PLXNA2: variants seen among roughly 807,000 people sequenced by gnomAD.
The protein encoded by PLXNA2 is plexin-A2.
Under a neutral mutation model 193.5 loss-of-function variants are expected in PLXNA2, and 91 were observed. That is an observed-to-expected ratio of 0.47 (90% CI 0.40 to 0.56). The LOEUF is 0.56. PLXNA2 is among the 20% of genes least tolerant of loss of function. The probability of loss-of-function intolerance (pLI) is 0.00; values close to 1 mark genes in which losing one functional copy is unlikely to be tolerated. For synonymous variants in PLXNA2, 997 were observed against 1,027.3 expected (o/e 0.97, Z 0.56); for missense variants, 1,995 against 2,503.2 (o/e 0.80, Z 4.33).
At position 208,122,430 on chromosome 1, in the gene PLXNA2, A is replaced by G. The variant is rs199930850; in HGVS notation, c.1507-19183T>C. ...GTTATTTCTTCATCTTTATCCATAA[A>G]AACGTCTTAATCTATAAAATGTGGA... On this transcript the variant is annotated intron_variant, in intron 4 of 31. Transcript: ENST00000367033. Among the ~76,000 whole-genome samples, 23 of 152,344 alleles carry G rather than the reference A, an allele frequency of 1.5e-4. No individual in the cohort carries two copies. In the East Asian group the frequency reaches 4.2e-3, roughly 28 times the overall value.
chr1:208,142,193 A>G lies in PLXNA2; in HGVS notation c.1506+136T>C, dbSNP rs547311183. 1.1e-4 allele frequency: 107 copies of G among 937,332 alleles called. No homozygotes were observed. The African/African-American group carries it at 1.7e-3, about 15-fold the overall frequency. 58.1% of individuals were successfully genotyped at this position (937,332 alleles called of 1,614,324 possible). ...TAGCTCCCTGCAAAAGCCTACAGGC[A>G]CTCTGCCTCTCTCAAGACCCCTGTG... On this transcript the variant is annotated intron_variant, in intron 4 of 31. Transcript: ENST00000367033.
intron 3 of PLXNA2, among the ~76,000 whole-genome samples, chr1:208,208,638 C>A (rs918843725): frequency 6.6e-6 from 1 of 152,178 alleles, no homozygotes; most frequent in African/African-American, 2.4e-5. Context: ...TGACCTGGAG[C>A]AGTGACTGAA....
At chr1:208,068,410 AG>A (rs1665867214) in intron 12 of PLXNA2, among the ~76,000 whole-genome samples, 1 of 152,168 alleles carries the variant, frequency 6.6e-6, no homozygotes, top group South Asian at 2.1e-4. Context: ...CATCGAATGG[AG>A]GACTGAACAG....
intron 3 of PLXNA2, among the ~76,000 whole-genome samples, chr1:208,170,831 A>G (rs1395537136): frequency 6.6e-6 from 1 of 152,226 alleles, no homozygotes; most frequent in East Asian, 1.9e-4. Flanking sequence ...ATAAACAGAA[A>G]TAAAATAAAT....
At chr1:208,034,421 G>A in intron 27 of PLXNA2, 72 bp downstream of exon 27, 2 of 934,740 alleles carry the variant, frequency 2.1e-6, no homozygotes, top group African/African-American at 1.6e-5. Context: ...GTTAGAAGGG[G>A]TAGCGAGTGG....
rs773719578 is a variant in PLXNA2 at position 208,098,935 on chromosome 1, C to T, written c.1642G>A (p.Glu548Lys). 1 of 1,613,538 alleles carries T rather than the reference C, an allele frequency of 6.2e-7. No individual in the cohort carries two copies. Among genetic ancestry groups the T allele is most frequent in the Non-Finnish European group, 8.5e-7 (1 of 1,179,896 alleles). Residue 548 changes from glutamate (E) to lysine (K), a missense_variant, in exon 6 of 32, where the codon GAA (glutamate) becomes AAA (lysine). By Grantham distance (56) the Glu-to-Lys change is moderately conservative. Transcript: ENST00000367033. The stretch of plus-strand genomic sequence containing the variant: ...ATGCTGGCAGCAAATCGATTAGGTT[C>T]CCAGGCCTGTTGGCATTTGTCCCTG... The part of the protein sequence containing the change: ...SRRDKCQQAW[E>K]PNRFAASISQ...
intron 3 of PLXNA2, among the ~76,000 whole-genome samples, chr1:208,175,303 C>T (rs1318967616): frequency 6.6e-6 from 1 of 152,162 alleles, no homozygotes; most frequent in Non-Finnish European, 1.5e-5. Context: ...CAACTGGGTC[C>T]ACTCATCCCA....
chr1:208,150,353 T>C (rs1043820753), intron 3 of PLXNA2, among the ~76,000 whole-genome samples: 18 of 151,768 alleles, frequency 1.2e-4, no homozygotes, highest in African/African-American at 3.9e-4. Context: ...CAACTAGGGG[T>C]GGGTGGAGCT....
Position 208,038,321 on chromosome 1 carries a change from G to A in PLXNA2, c.4764+50C>T. 1 of 1,287,208 alleles carries A rather than the reference G, an allele frequency of 7.8e-7. No individual in the cohort carries two copies. The highest frequency in any genetic ancestry group is 1.1e-6 in the Non-Finnish European group (1 of 881,366). 79.7% of individuals were successfully genotyped at this position (1,287,208 alleles called of 1,614,324 possible). On this transcript the variant is annotated intron_variant, in intron 26 of 31. Transcript: ENST00000367033. This position sits in a 1 kb window ranked among gnomAD's most constrained non-coding sequence, Gnocchi z 4.1. ...GAGGCCTTAGAGCAAGGCTTAGCGG[G>A]AAGGGAACATTCTGGGAAGCTGAAG... is the stretch of plus-strand genomic sequence containing the variant.
intron 4 of PLXNA2, among the ~76,000 whole-genome samples, chr1:208,117,031 TG>T (rs1169549798): frequency 6.6e-6 from 1 of 151,748 alleles, no homozygotes. Flanking sequence ...ATTAGCCGGG[TG>T]TGGTGGTGCA....
chr1:208,088,986 C>G (rs4844638), intron 9 of PLXNA2, among the ~76,000 whole-genome samples: 36,427 of 152,122 alleles, frequency 0.24, 4,710 homozygotes, highest in Admixed American at 0.33. Flanking sequence ...GTCTATTCAT[C>G]TATAATATAA....
chr1:208,096,732 T>G lies in PLXNA2; in HGVS notation c.1883A>C (p.Gln628Pro). ...PKDVPVIPLD[Q>P]DWFGLELQLR... Reference sequence around the variant, plus strand: ...CTCTCATGGCAGATATTTCTTACCTTGATCCAGCGGGATGACAGGGACATC... The same window carrying G: ...CTCTCATGGCAGATATTTCTTACCTGGATCCAGCGGGATGACAGGGACATC... The change falls in exon 7 of 32, where the codon CAA (glutamine) becomes CCA (proline). Residue 628 changes from glutamine (Q) to proline (P), a missense_variant and splice_region_variant. By Grantham distance (76) the Gln-to-Pro change is moderately conservative. Around this residue, in one of 3 missense-constraint regions of PLXNA2, gnomAD observed 2 missense variants for 16.7 expected, o/e 0.12. Coordinates refer to ENST00000367033, the MANE Select transcript of PLXNA2 (RefSeq NM_025179.4). The G allele has an allele frequency of 6.2e-7, 1 of 1,614,134 alleles. No homozygotes were observed. Among genetic ancestry groups the G allele is most frequent in the Non-Finnish European group, 8.5e-7 (1 of 1,180,008 alleles).
At chr1:208,134,956 T>C (rs1668259826) in intron 4 of PLXNA2, among the ~76,000 whole-genome samples, 1 of 152,188 alleles carries the variant, frequency 6.6e-6, no homozygotes, top group African/African-American at 2.4e-5. Flanking sequence ...TGTATCACAA[T>C]AGCACCTCTG....
chr1:208,033,279 T>G, intron 28 of PLXNA2, 40 bp downstream of exon 28: 1 of 1,570,352 alleles, frequency 6.4e-7, no homozygotes. Flanking sequence ...GATGTGCTCC[T>G]TTAACAAGCA....
At chr1:208,192,988 C>T (rs1470531755) in intron 3 of PLXNA2, among the ~76,000 whole-genome samples, 17 of 151,448 alleles carry the variant, frequency 1.1e-4, no homozygotes, top group Admixed American at 8.6e-4. Flanking sequence ...GCAATGGGCC[C>T]GCTACACAAA....
chr1:208,244,204 C>T lies in PLXNA2; in HGVS notation c.-642G>A, dbSNP rs1251025412. The stretch of plus-strand genomic sequence containing the variant: ...TCTCGGGGTCTCTCTCCGGATCGCT[C>T]GCCCTCTCGGCTGAAAAATTCCCAG... On this transcript the variant is annotated 5_prime_UTR_variant, in exon 1 of 32. Coordinates refer to ENST00000367033, the MANE Select transcript of PLXNA2 (RefSeq NM_025179.4). 5 of 161,718 alleles carry T rather than the reference C, an allele frequency of 3.1e-5. No homozygotes were observed. The South Asian group carries it at 8.3e-4, about 27-fold the overall frequency. 10.0% of individuals were successfully genotyped at this position (161,718 alleles called of 1,614,324 possible).
At chr1:208,157,907 A>T (rs907433521) in intron 3 of PLXNA2, among the ~76,000 whole-genome samples, 1 of 152,252 alleles carries the variant, frequency 6.6e-6, no homozygotes, top group Non-Finnish European at 1.5e-5. Context: ...AGAAAGCCCC[A>T]TCTTCAGGCC....
rs1419270124 is a variant in PLXNA2 at position 208,216,966 on chromosome 1, C to A, written c.957G>T (p.Gly319=). 2 of 1,613,624 alleles carry A rather than the reference C, an allele frequency of 1.2e-6. No individual in the cohort carries two copies. Among genetic ancestry groups the A allele is most frequent in the Non-Finnish European group, 8.5e-7 (1 of 1,179,702 alleles). ...LLQAAYLAKP[G]DSLAQAFNIT... The stretch of plus-strand genomic sequence containing the variant: ...TATTGAAGGCCTGGGCCAGTGAGTC[C>A]CCAGGCTTGGCCAGGTAAGCAGCCT... Residue 319 remains glycine (G), a synonymous_variant, in exon 2 of 32, where the codon GGG becomes GGT. Transcript: ENST00000367033.
intron 4 of PLXNA2, among the ~76,000 whole-genome samples, chr1:208,123,900 A>C (rs189808709): frequency 1.1e-4 from 16 of 152,310 alleles, no homozygotes; most frequent in Non-Finnish European, 1.0e-4. Context: ...ATGTGTCCCT[A>C]AGGGAAGCTA....
Sources: gnomAD v4.1 joint callset for allele counts (sites outside exome capture counted in the v4.1 genomes callset) on GRCh38, gnomAD v4.1.1 for gene constraint, gnomAD v4.1.1 regional missense constraint, Gnocchi (gnomAD v3.1) non-coding constraint, MANE v1.5 for transcripts, NCBI Gene and HGNC (gene_info 2026-07-23, HGNC 2026-07-21) for gene names.